Variants in TRPC4 observed in about 807,000 individuals in gnomAD.
The protein encoded by TRPC4 is transient receptor potential cation channel subfamily C member 4, also known as short transient receptor potential channel 4.
Under a neutral mutation model 99.4 loss-of-function variants are expected in TRPC4, and 49 were observed. The ratio of observed to expected loss-of-function variants is 0.49; its 90% CI spans 0.39 to 0.63. TRPC4 has a LOEUF of 0.63. Among genes scored for constraint, TRPC4 ranks in the 20% least tolerant of loss-of-function variants. TRPC4 has a pLI of 0.00. For missense variants in TRPC4, 898 were observed against 1,152.9 expected (o/e 0.78, Z 3.20); for synonymous variants, 454 against 425.9 (o/e 1.07, Z -0.81).
At chr13:37,682,170 G>A (rs1304304287) in intron 4 of TRPC4, among the ~76,000 whole-genome samples, 1 of 152,088 alleles carries the variant, frequency 6.6e-6, no homozygotes, top group Non-Finnish European at 1.5e-5. Context: ...CAAACAAAAA[G>A]CAAGTCACCT....
chr13:37,806,085 C>A (rs376074689), intron 1 of TRPC4, among the ~76,000 whole-genome samples: 3 of 151,810 alleles, frequency 2.0e-5, no homozygotes, highest in Non-Finnish European at 2.9e-5. Context: ...AAGAAGCATG[C>A]CTTTATTGAG....
At chr13:37,852,542 A>T (rs1252688058) in intron 1 of TRPC4, among the ~76,000 whole-genome samples, 1 of 152,198 alleles carries the variant, frequency 6.6e-6, no homozygotes, top group Non-Finnish European at 1.5e-5. Context: ...GATTCCCAGC[A>T]ATGGTGGCTA....
At chr13:37,658,909 T>C (rs1952336789) in intron 6 of TRPC4, among the ~76,000 whole-genome samples, 1 of 151,916 alleles carries the variant, frequency 6.6e-6, no homozygotes, top group African/African-American at 2.4e-5. Flanking sequence ...AAAGGCCTCC[T>C]GCAAAAGGTA....
At chr13:37,755,215 G>A (rs980513364) in intron 2 of TRPC4, among the ~76,000 whole-genome samples, 6 of 151,126 alleles carry the variant, frequency 4.0e-5, no homozygotes, top group Non-Finnish European at 5.9e-5. Context: ...ATACTGTTTG[G>A]CATACACTAG....
At chr13:37,811,930 AG>A (rs1312114875) in intron 1 of TRPC4, among the ~76,000 whole-genome samples, 3 of 152,034 alleles carry the variant, frequency 2.0e-5, no homozygotes, top group African/African-American at 7.2e-5. Flanking sequence ...TGGGAGGCCA[AG>A]GCAGGAAGAT....
Position 37,637,616 on chromosome 13 carries a change from G to T in TRPC4, c.2221C>A (p.Gln741Lys). ...TCAAAGCGGAAACTAGAAATGTCTT[G>T]CTTTAGTTCCTACGTAGAATTTAAA... ...LTEENFKELK[Q>K]DISSFRFEVL... is the part of the protein sequence containing the mutation. Residue 741 changes from glutamine to lysine, a missense_variant, in exon 11 of 11, where the codon CAA (glutamine) becomes AAA (lysine). By Grantham distance (53) the Gln-to-Lys change is moderately conservative (BLOSUM62 1). This residue lies in a region of TRPC4 where 346 missense variants were observed against 351.4 expected (regional missense o/e 0.98). Transcript: ENST00000379705. The T allele has an allele frequency of 6.3e-7, 1 of 1,577,440 alleles. No homozygotes were observed. The highest frequency in any genetic ancestry group is 8.6e-7 in the Non-Finnish European group (1 of 1,167,040).
At chr13:37,825,923 T>C (rs1240189620) in intron 1 of TRPC4, among the ~76,000 whole-genome samples, 4 of 145,702 alleles carry the variant, frequency 2.7e-5, no homozygotes, top group Non-Finnish European at 6.0e-5. Flanking sequence ...TCTTTGTAGG[T>C]CACTCAGGAC....
intron 1 of TRPC4, among the ~76,000 whole-genome samples, chr13:37,788,932 A>G (rs1224259370): frequency 6.6e-6 from 1 of 152,078 alleles, no homozygotes; most frequent in African/African-American, 2.4e-5. Context: ...GAAGATTTCA[A>G]CGGCTCAGTA....
chr13:37,842,343 C>CAAAAAAAAAAA (rs57428116), intron 1 of TRPC4, among the ~76,000 whole-genome samples: 4 of 15,634 alleles, frequency 2.6e-4, no homozygotes, highest in African/African-American at 7.6e-4. Flanking sequence ...AGCGTCTAGC[C>CAAAAAAAAAAA]AAAAAAAAAA....
chr13:37,756,576 A>G (rs1008141682), intron 2 of TRPC4, among the ~76,000 whole-genome samples: 2 of 143,410 alleles, frequency 1.4e-5, no homozygotes, highest in African/African-American at 2.6e-5. Flanking sequence ...CCTGTCACCC[A>G]GGTTGGAGTG....
intron 1 of TRPC4, among the ~76,000 whole-genome samples, chr13:37,827,643 C>T (rs1216512767): frequency 2.0e-5 from 3 of 152,174 alleles, no homozygotes; most frequent in Non-Finnish European, 2.9e-5. Context: ...AGATCTCCAG[C>T]TGCGTACTGG....
intron 6 of TRPC4, 97 bp from the exon 7 acceptor site, chr13:37,655,380 T>C: frequency 2.4e-6 from 1 of 412,986 alleles, no homozygotes; most frequent in Non-Finnish European, 3.7e-6. Context: ...TATATATATA[T>C]ATATAATTAA....
chr13:37,708,732 T>C (rs1593557686), intron 3 of TRPC4, among the ~76,000 whole-genome samples: 1 of 148,774 alleles, frequency 6.7e-6, no homozygotes, highest in Non-Finnish European at 1.5e-5. Flanking sequence ...TAACTATATA[T>C]GTATATATAT....
At chr13:37,639,387 T>A (rs1347265331) in intron 8 of TRPC4, 88 bp from the exon 9 acceptor site, 2 of 1,382,408 alleles carry the variant, frequency 1.4e-6, no homozygotes, top group Non-Finnish European at 2.0e-6. Flanking sequence ...ATAATGTTTT[T>A]ATTCTTATTT....
intron 3 of TRPC4, among the ~76,000 whole-genome samples, chr13:37,734,539 C>A (rs1171938214): frequency 4.6e-5 from 7 of 152,042 alleles, no homozygotes; most frequent in Admixed American, 4.6e-4. Context: ...CAGCTTCACC[C>A]CAGTGGTCAA....
chr13:37,786,954 C>T (rs1956985186), intron 1 of TRPC4, among the ~76,000 whole-genome samples: 4 of 151,964 alleles, frequency 2.6e-5, no homozygotes, highest in Non-Finnish European at 4.4e-5. Flanking sequence ...TACAACTTGA[C>T]ATTGATCCAA....
intron 3 of TRPC4, among the ~76,000 whole-genome samples, chr13:37,727,622 G>T (rs903930258): frequency 6.6e-6 from 1 of 151,916 alleles, no homozygotes; most frequent in African/African-American, 2.4e-5. Context: ...CAAAAAGCTG[G>T]TTCTTCAAAA....
intron 5 of TRPC4, among the ~76,000 whole-genome samples, chr13:37,669,996 T>C (rs1378434595): frequency 2.0e-5 from 3 of 152,144 alleles, no homozygotes; most frequent in African/African-American, 7.2e-5. Flanking sequence ...GGGTGGGCTT[T>C]CATGATGAGA....
intron 1 of TRPC4, among the ~76,000 whole-genome samples, chr13:37,861,638 G>C (rs188478655): frequency 4.0e-5 from 6 of 151,586 alleles, no homozygotes; most frequent in Admixed American, 3.3e-4. Context: ...ATCATTTGCT[G>C]GTTCACTTTG....
Sources: gnomAD v4.1 joint callset for allele counts (sites outside exome capture counted in the v4.1 genomes callset) on GRCh38, gnomAD v4.1.1 for gene constraint, gnomAD v4.1.1 regional missense constraint, MANE v1.5 for transcripts, NCBI Gene and HGNC (gene_info 2026-07-23, HGNC 2026-07-21) for gene names.